The following TENM2 variants were observed in gnomAD, a reference collection of about 807,000 sequenced individuals.
TENM2 encodes teneurin transmembrane protein 2, also known as teneurin-2.
TENM2 carries 52 observed loss-of-function variants against 245.2 expected under a neutral mutation model. The observed-to-expected ratio is 0.21, with a 90% CI of 0.17 to 0.27. The LOEUF (loss-of-function observed/expected upper bound fraction) is 0.27, where lower values mean the gene tolerates loss of function less well. Ranked by LOEUF, TENM2 falls within the 10% of genes least tolerant of loss-of-function variation. TENM2 has a pLI of 1.00. For missense variants in TENM2, 3,046 were observed against 3,666.8 expected (o/e 0.83, Z 4.37); for synonymous variants, 1,363 against 1,438.9 (o/e 0.95, Z 1.19).
At chr5:167,524,713 C>T (rs939008417) in intron 2 of TENM2, among the ~76,000 whole-genome samples, 1 of 151,866 alleles carries the variant, frequency 6.6e-6, no homozygotes, top group African/African-American at 2.4e-5. Context: ...TACCCTCCTC[C>T]TCCAGACCAA....
the TENM2 span, among the ~76,000 whole-genome samples, chr5:167,208,391 G>T: frequency 6.6e-6 from 1 of 152,132 alleles, no homozygotes; most frequent in Non-Finnish European, 1.5e-5. Flanking sequence ...AAGGCTCTGA[G>T]GTTCCACATC....
chr5:167,124,971 C>A, the TENM2 span, among the ~76,000 whole-genome samples: 1 of 152,062 alleles, frequency 6.6e-6, no homozygotes. Context: ...ACGTTATTTC[C>A]CCACCGTGGA....
chr5:167,575,707 T>G (rs1473428662), intron 2 of TENM2, among the ~76,000 whole-genome samples: 1 of 152,168 alleles, frequency 6.6e-6, no homozygotes, highest in Non-Finnish European at 1.5e-5. Context: ...TTTTTCCTCA[T>G]GGTTGAAAGA....
At chr5:167,907,232 C>CAAATAAATAAATAAAT (rs10650485) in intron 3 of TENM2, among the ~76,000 whole-genome samples, 192 of 148,150 alleles carry the variant, frequency 1.3e-3, no homozygotes, top group African/African-American at 4.6e-3. Flanking sequence ...AACTCCGTCT[C>CAAATAAATAAATAAAT]AAATAAATAA....
the TENM2 span, among the ~76,000 whole-genome samples, chr5:167,172,715 G>C: frequency 1.1e-4 from 17 of 149,654 alleles, no homozygotes; most frequent in Admixed American, 5.4e-4. Flanking sequence ...GGTCTCAAGC[G>C]ATACTCCTGC....
At chr5:167,761,914 G>T (rs760685658) in intron 2 of TENM2, among the ~76,000 whole-genome samples, 1 of 152,120 alleles carries the variant, frequency 6.6e-6, no homozygotes, top group African/African-American at 2.4e-5. Context: ...CAGCAATATC[G>T]CTGATTGAAA....
chr5:167,131,889 C>A, the TENM2 span, among the ~76,000 whole-genome samples: 1 of 152,152 alleles, frequency 6.6e-6, no homozygotes, highest in Non-Finnish European at 1.5e-5. Flanking sequence ...ATGGTGCGAT[C>A]TCAGCTCACT....
the TENM2 span, among the ~76,000 whole-genome samples, chr5:167,174,108 CG>C: frequency 2.7e-5 from 4 of 149,368 alleles, no homozygotes; most frequent in Admixed American, 2.7e-4. Context: ...TGAGTTTTCT[CG>C]TTTTTTTTTT....
chr5:167,212,088 G>A, the TENM2 span, among the ~76,000 whole-genome samples: 6 of 152,200 alleles, frequency 3.9e-5, no homozygotes, highest in South Asian at 2.1e-4. Flanking sequence ...AAGTTCTGTC[G>A]ATTCAAACAC....
chr5:167,534,876 A>C (rs1000231169), intron 2 of TENM2, among the ~76,000 whole-genome samples: 1 of 152,164 alleles, frequency 6.6e-6, no homozygotes, highest in Non-Finnish European at 1.5e-5. Context: ...CCTGCAGAAT[A>C]CATGATGACC....
intron 4 of TENM2, among the ~76,000 whole-genome samples, chr5:167,963,145 C>G (rs1781139804): frequency 6.6e-6 from 1 of 152,050 alleles, no homozygotes; most frequent in Non-Finnish European, 1.5e-5. Flanking sequence ...CGAGAAAGAT[C>G]AAGAAAATTT....
chr5:167,509,930 A>G (rs1169831422), intron 2 of TENM2, among the ~76,000 whole-genome samples: 1 of 152,208 alleles, frequency 6.6e-6, no homozygotes, highest in Non-Finnish European at 1.5e-5. Flanking sequence ...ATAGAACAAT[A>G]TATCATAGTT....
At chr5:168,047,601 C>T (rs1788717979) in intron 6 of TENM2, 52 bp downstream of exon 8, 26 of 1,532,894 alleles carry the variant, frequency 1.7e-5, no homozygotes, top group Non-Finnish European at 2.3e-5. Context: ...AAATTCTGAG[C>T]TCTCGCCAGC....
intron 2 of TENM2, among the ~76,000 whole-genome samples, chr5:167,480,145 T>C (rs1376432313): frequency 6.6e-6 from 1 of 152,204 alleles, no homozygotes; most frequent in Non-Finnish European, 1.5e-5. Context: ...AAGCTTTCAT[T>C]TGGAATCCTT....
At chr5:167,069,881 TC>T in the TENM2 span, among the ~76,000 whole-genome samples, 1 of 152,174 alleles carries the variant, frequency 6.6e-6, no homozygotes, top group Non-Finnish European at 1.5e-5. Context: ...AATTTCTGTT[TC>T]AGAAAAACTA....
the TENM2 span, among the ~76,000 whole-genome samples, chr5:167,048,478 C>T: frequency 6.6e-6 from 1 of 152,112 alleles, no homozygotes. Flanking sequence ...TTTGGTCACA[C>T]CGCACATACA....
Position 167,768,948 on chromosome 5 carries a change from A to C in TENM2, c.503-107038A>C, listed in dbSNP as rs571856769. On this transcript the variant is annotated intron_variant, in intron 2 of 28. Coordinates refer to ENST00000518659, the Ensembl canonical transcript of TENM2. Reference sequence around the variant, plus strand: ...GCGGCTCATGGTCACTTTCTTCCCCACATCTCCTAAACAGCAGCTCTGTTT... The same window carrying C: ...GCGGCTCATGGTCACTTTCTTCCCCCCATCTCCTAAACAGCAGCTCTGTTT... Among the ~76,000 whole-genome samples, 8 of 152,284 alleles carry C rather than the reference A, an allele frequency of 5.3e-5. No homozygotes were observed. The East Asian group carries it at 1.3e-3, about 26-fold the overall frequency.
the TENM2 span, among the ~76,000 whole-genome samples, chr5:167,174,646 C>G: frequency 6.6e-6 from 1 of 152,128 alleles, no homozygotes; most frequent in Non-Finnish European, 1.5e-5. Context: ...ATATCCACCC[C>G]TCTTCATAAT....
intron 2 of TENM2, among the ~76,000 whole-genome samples, chr5:167,771,512 G>A (rs1448814264): frequency 1.3e-5 from 2 of 152,158 alleles, no homozygotes; most frequent in Admixed American, 6.5e-5. Flanking sequence ...GGTTTTGTTT[G>A]TTATTTTGTT....
Sources: allele counts gnomAD v4.1 joint callset (sites outside exome capture counted in the v4.1 genomes callset), GRCh38; gene constraint gnomAD v4.1.1; transcripts MANE v1.5; gene names NCBI Gene and HGNC (gene_info 2026-07-23, HGNC 2026-07-21).